Variants in RGS12 observed in about 807,000 individuals in gnomAD.
RGS12 encodes regulator of G protein signaling 12, also known as regulator of G-protein signaling 12.
In RGS12, 66 loss-of-function variants were observed where a neutral mutation model predicts 120.1. The observed-to-expected ratio is 0.55, with a 90% confidence interval of 0.45 to 0.67. The LOEUF (loss-of-function observed/expected upper bound fraction) is 0.67, where lower values mean the gene tolerates loss of function less well. Among genes scored for constraint, RGS12 ranks in the 30% least tolerant of loss-of-function variants. The pLI is 0.00. For missense variants in RGS12, 1,859 were observed against 1,957.7 expected, an observed-to-expected ratio of 0.95 and a Z score of 0.95; for synonymous variants, 827 against 804.7, an observed-to-expected ratio of 1.03 and a Z score of -0.47.
chr4:3,346,066 A>G (rs774054896), intron 3 of RGS12, among the ~76,000 whole-genome samples: 12 of 152,154 alleles, frequency 7.9e-5, no homozygotes, highest in Non-Finnish European at 1.2e-4. Flanking sequence ...TTTTGGGTAT[A>G]TGGTCCTTAA....
chr4:3,309,989 G>A (rs1724267533), intron 1 of RGS12, among the ~76,000 whole-genome samples: 1 of 148,614 alleles, frequency 6.7e-6, no homozygotes, highest in Admixed American at 6.6e-5. Context: ...GGAATGGCAG[G>A]TGTCCGCTGA....
intron 11 of RGS12, 45 bp from the exon 12 acceptor site, chr4:3,422,860 G>A (rs1394342581): frequency 6.5e-7 from 1 of 1,549,098 alleles, no homozygotes; most frequent in South Asian, 1.1e-5. Flanking sequence ...CGTTTGGGGG[G>A]CTGCCTGCTG....
At chr4:3,308,498 G>C (rs916032645) in intron 1 of RGS12, among the ~76,000 whole-genome samples, 1 of 152,210 alleles carries the variant, frequency 6.6e-6, no homozygotes, top group Admixed American at 6.5e-5. Flanking sequence ...TCCGCGGGCG[G>C]CTGGGGTGCG....
At chr4:3,414,661 G>A (rs1722139631) in intron 5 of RGS12, 91 bp from the exon 6 acceptor site, 3 of 927,984 alleles carry the variant, frequency 3.2e-6, no homozygotes, top group South Asian at 1.4e-5. Flanking sequence ...TCACTGAGCA[G>A]CCAGTGACCC....
chr4:3,406,729 T>C (rs1721172027), intron 4 of RGS12, among the ~76,000 whole-genome samples: 1 of 152,224 alleles, frequency 6.6e-6, no homozygotes, highest in Non-Finnish European at 1.5e-5. Flanking sequence ...CTCTCAGAGA[T>C]GAGGCCCTGC....
intron 1 of RGS12, among the ~76,000 whole-genome samples, chr4:3,303,475 T>C (rs1723796917): frequency 6.6e-6 from 1 of 152,012 alleles, no homozygotes; most frequent in African/African-American, 2.4e-5. Flanking sequence ...TCTGTGCAGA[T>C]ACTCTGTCCC....
chr4:3,373,676 C>T (rs865987646), intron 3 of RGS12, among the ~76,000 whole-genome samples: 1 of 152,292 alleles, frequency 6.6e-6, no homozygotes, highest in Middle Eastern at 3.4e-3. Flanking sequence ...TGTGCCTGGC[C>T]TCTGCCCGCC....
rs1302468354 is a variant in RGS12 at position 3,293,087 on chromosome 4, G to T, written c.-114G>T. 2.0e-5 allele frequency: 3 copies of T among 147,172 alleles called. No individual in the cohort carries two copies. The highest frequency in any genetic ancestry group is 4.5e-5 in the Non-Finnish European group (3 of 66,076). The allele number at this position is 147,172 out of a possible 1,614,324, so 9.1% of individuals were successfully genotyped here. ...GCCGAAGCGCCCGGAGCGGGAGCGA[G>T]CGGCGCGGCCCGGTAGGTGTGCGGG... On this transcript the variant is annotated 5_prime_UTR_variant, in exon 1 of 18. Coordinates refer to ENST00000336727, the MANE Select transcript of RGS12 (RefSeq NM_001394154.1).
intron 1 of RGS12, among the ~76,000 whole-genome samples, chr4:3,294,482 C>T (rs1470807198): frequency 6.6e-6 from 1 of 152,232 alleles, no homozygotes; most frequent in Non-Finnish European, 1.5e-5. Flanking sequence ...AGTTTCTTCC[C>T]CTGAAAAAGC....
At chr4:3,322,044 T>A (rs1725235670) in intron 2 of RGS12, among the ~76,000 whole-genome samples, 1 of 152,226 alleles carries the variant, frequency 6.6e-6, no homozygotes, top group Non-Finnish European at 1.5e-5. Flanking sequence ...TGCCAACGCT[T>A]TTGTCACTGC....
At chr4:3,429,089 C>G (rs1400476383) in intron 16 of RGS12, among the ~76,000 whole-genome samples, 1 of 152,332 alleles carries the variant, frequency 6.6e-6, no homozygotes, top group East Asian at 1.9e-4. Context: ...AGAGTCCACC[C>G]TAGGCAGAGC....
chr4:3,414,202 G>A lies in RGS12; in HGVS notation c.2151G>A (p.Glu717=). Residue 717 remains glutamate, a synonymous_variant, in exon 5 of 18, where the codon GAG becomes GAA. Coordinates refer to ENST00000336727, the MANE Select transcript of RGS12 (RefSeq NM_001394154.1). The part of the protein sequence containing the change: ...RRVASWAVSF[E]RLLQDPVGVR... The stretch of plus-strand genomic sequence containing the variant: ...TCGCCAGCTGGGCCGTGTCCTTTGA[G>A]CGCCTGCTGCAGGACCCCGTCGGTG... 2 of 1,549,700 alleles carry A rather than the reference G, an allele frequency of 1.3e-6. No homozygotes were observed. The highest frequency in any genetic ancestry group is 8.7e-7 in the Non-Finnish European group (1 of 1,151,084).
At chr4:3,315,819 G>T (rs995528356) in intron 1 of RGS12, among the ~76,000 whole-genome samples, 2 of 152,214 alleles carry the variant, frequency 1.3e-5, no homozygotes, top group African/African-American at 4.8e-5. Flanking sequence ...AAGCAGTCCT[G>T]CATCCTCACA....
Position 3,372,254 on chromosome 4 carries a change from G to C in RGS12, c.1999-14162G>C, listed in dbSNP as rs1292833147. The stretch of plus-strand genomic sequence containing the variant: ...TGCTGTGGGGTGGCCGCTCTGGGCT[G>C]GGGGGCTGCTGCAGCCCTGGGCAGC... On this transcript the variant is annotated intron_variant, in intron 3 of 17. Coordinates refer to ENST00000336727, the MANE Select transcript of RGS12 (RefSeq NM_001394154.1). The surrounding 1 kb of genome is among the most constrained non-coding windows in gnomAD (Gnocchi z 4.3). Among the ~76,000 whole-genome samples the C allele has an allele frequency of 6.6e-6, 1 of 152,086 alleles. No individual in the cohort carries two copies. Among genetic ancestry groups the C allele is most frequent in the Non-Finnish European group, 1.5e-5 (1 of 68,004 alleles).
chr4:3,316,482 C>T lies in RGS12; in HGVS notation c.312C>T (p.Ser104=). The T allele has an allele frequency of 6.2e-7, 1 of 1,614,168 alleles. No homozygotes were observed. Among genetic ancestry groups the T allele is most frequent in the Non-Finnish European group, 8.5e-7 (1 of 1,180,050 alleles). Residue 104 remains serine (S), a synonymous_variant, in exon 2 of 18, where the codon TCC becomes TCT. Transcript: ENST00000336727. ...CTGAAGGCGTCGGCCGCTTCGAATCCTGTTCCAGTGATGAAGAAGGGGGAC... is the reference window on the plus strand; with the variant it reads ...CTGAAGGCGTCGGCCGCTTCGAATCTTGTTCCAGTGATGAAGAAGGGGGAC... ...VIAEGVGRFE[S]CSSDEEGGLY...
intron 3 of RGS12, among the ~76,000 whole-genome samples, chr4:3,359,698 T>C (rs528059859): frequency 4.6e-5 from 7 of 150,570 alleles, no homozygotes; most frequent in African/African-American, 7.3e-5. Flanking sequence ...TCTCAGCTCA[T>C]TGCAAACTCC....
At chr4:3,421,968 G>A (rs570614948) in intron 10 of RGS12, among the ~76,000 whole-genome samples, 1 of 152,330 alleles carries the variant, frequency 6.6e-6, no homozygotes, top group South Asian at 2.1e-4. Flanking sequence ...TCCAGGCGAC[G>A]TTTCCATTGG....
chr4:3,296,683 C>A (rs1354627582), intron 1 of RGS12, among the ~76,000 whole-genome samples: 1 of 152,188 alleles, frequency 6.6e-6, no homozygotes, highest in Non-Finnish European at 1.5e-5. Flanking sequence ...TTCACTTTTC[C>A]CATTGTGTGC....
chr4:3,350,143 A>C (rs545109867), intron 3 of RGS12, among the ~76,000 whole-genome samples: 1 of 152,350 alleles, frequency 6.6e-6, no homozygotes, highest in South Asian at 2.1e-4. Flanking sequence ...TTTGCTGATA[A>C]CACAGAAGAT....
Sources: allele counts gnomAD v4.1 joint callset (sites outside exome capture counted in the v4.1 genomes callset), GRCh38; gene constraint gnomAD v4.1.1; non-coding constraint Gnocchi (gnomAD v3.1); transcripts MANE v1.5; gene names NCBI Gene and HGNC (gene_info 2026-07-23, HGNC 2026-07-21).